CNTN1: variants seen among roughly 807,000 people sequenced by gnomAD.
CNTN1 encodes the protein contactin 1.
CNTN1 carries 38 observed loss-of-function variants against 126.4 expected under a neutral mutation model. The ratio of observed to expected loss-of-function variants is 0.30; its 90% CI spans 0.23 to 0.39. The LOEUF is 0.39. Ranked by LOEUF, CNTN1 falls within the 10% of genes least tolerant of loss-of-function variation. The pLI is 1.00. For synonymous variants in CNTN1, 413 were observed against 422.6 expected (o/e 0.98, Z 0.28); for missense variants, 1,009 against 1,248.4 (o/e 0.81, Z 2.89).
chr12:41,000,487 G>A (rs549691681), intron 17 of CNTN1, among the ~76,000 whole-genome samples: 2 of 152,150 alleles, frequency 1.3e-5, no homozygotes, highest in East Asian at 1.9e-4. Flanking sequence ...TATATCTAAA[G>A]TGCTACAAAT....
intron 1 of CNTN1, among the ~76,000 whole-genome samples, chr12:40,773,692 T>C (rs1308388943): frequency 8.6e-4 from 9 of 10,416 alleles, no homozygotes; most frequent in African/African-American, 1.8e-3. Flanking sequence ...TATATATATA[T>C]ACACATATAT....
chr12:40,973,801 G>A (rs1947592191), intron 15 of CNTN1, among the ~76,000 whole-genome samples: 2 of 152,100 alleles, frequency 1.3e-5, no homozygotes, highest in Admixed American at 6.6e-5. Context: ...CTAAGTAGTG[G>A]CACCAACTCA....
At chr12:40,939,572 A>C in intron 12 of CNTN1, 87 bp downstream of exon 12, 1 of 1,489,794 alleles carries the variant, frequency 6.7e-7, no homozygotes, top group East Asian at 2.5e-5. Flanking sequence ...TAATAATGAA[A>C]ATGTTTTTTG....
rs200389215 is a variant in CNTN1, at chr12:40,995,411, G to T, written c.2113+2142G>T. ...CTCAGAGAGGCTACATTTTTTTTTTGATATAGGGAATAATAAAAGAAGAGC... is the reference window on the plus strand; with the variant it reads ...CTCAGAGAGGCTACATTTTTTTTTTTATATAGGGAATAATAAAAGAAGAGC... On this transcript the variant is annotated intron_variant, in intron 17 of 23. Coordinates refer to ENST00000551295, the MANE Select transcript of CNTN1 (RefSeq NM_001843.4). 4.6e-5 allele frequency among the ~76,000 whole-genome samples: 7 copies of T among 151,016 alleles called. No individual in the cohort carries two copies. In the South Asian group the frequency reaches 1.0e-3, roughly 22 times the overall value.
chr12:40,997,778 TGAA>T (rs1948255937), intron 17 of CNTN1, among the ~76,000 whole-genome samples: 1 of 152,188 alleles, frequency 6.6e-6, no homozygotes, highest in Admixed American at 6.5e-5. Context: ...ATGAAGTATA[TGAA>T]AATAACTTCT....
intron 14 of CNTN1, among the ~76,000 whole-genome samples, chr12:40,945,598 G>A (rs1050094828): frequency 6.6e-6 from 1 of 151,396 alleles, no homozygotes; most frequent in African/African-American, 2.4e-5. Context: ...TTCATATTTA[G>A]AGCTTATTTA....
At chr12:40,851,756 A>G (rs1409902758) in intron 1 of CNTN1, among the ~76,000 whole-genome samples, 2 of 152,096 alleles carry the variant, frequency 1.3e-5, no homozygotes, top group African/African-American at 2.4e-5. Context: ...CTCCCCAAAG[A>G]TAAGGCTTAG....
chr12:40,961,443 A>G (rs1395086925), intron 15 of CNTN1, among the ~76,000 whole-genome samples: 2 of 152,056 alleles, frequency 1.3e-5, no homozygotes, highest in African/African-American at 4.8e-5. Context: ...TTTAATAATA[A>G]TGGTGAGCAA....
intron 1 of CNTN1, among the ~76,000 whole-genome samples, chr12:40,733,593 A>G (rs527855575): frequency 2.6e-5 from 4 of 152,080 alleles, no homozygotes; most frequent in South Asian, 4.2e-4. Flanking sequence ...GATTGTGAGG[A>G]ATTCTTTATT....
chr12:41,041,252 C>T (rs958260676), intron 23 of CNTN1, among the ~76,000 whole-genome samples: 3 of 152,032 alleles, frequency 2.0e-5, no homozygotes, highest in Admixed American at 1.3e-4. Flanking sequence ...GCCTTGCATC[C>T]CAGGGATGAA....
At chr12:40,915,734 T>G (rs1360024827) in intron 3 of CNTN1, among the ~76,000 whole-genome samples, 1 of 152,116 alleles carries the variant, frequency 6.6e-6, no homozygotes, top group Middle Eastern at 3.2e-3. Flanking sequence ...TAATCCTTTT[T>G]TTTTCTTTGA....
At chr12:41,032,238 C>G (rs1406280182) in intron 23 of CNTN1, among the ~76,000 whole-genome samples, 1 of 151,822 alleles carries the variant, frequency 6.6e-6, no homozygotes, top group Non-Finnish European at 1.5e-5. Context: ...AAACACAAAT[C>G]AAATCATATA....
intron 1 of CNTN1, among the ~76,000 whole-genome samples, chr12:40,709,937 T>C (rs1941869326): frequency 6.6e-6 from 1 of 152,210 alleles, no homozygotes; most frequent in Admixed American, 6.5e-5. Flanking sequence ...TACACTAAAG[T>C]AGTACTGTTA....
intron 1 of CNTN1, among the ~76,000 whole-genome samples, chr12:40,774,632 T>C (rs1240073032): frequency 1.3e-5 from 2 of 151,670 alleles, no homozygotes; most frequent in African/African-American, 2.4e-5. Flanking sequence ...TACTGCTTCC[T>C]CTCCAGTGTA....
At chr12:40,822,558 T>C (rs1424879976) in intron 1 of CNTN1, among the ~76,000 whole-genome samples, 1 of 152,162 alleles carries the variant, frequency 6.6e-6, no homozygotes, top group Non-Finnish European at 1.5e-5. Flanking sequence ...AGCTCTATTG[T>C]ATTATTTCTG....
intron 7 of CNTN1, among the ~76,000 whole-genome samples, chr12:40,931,955 C>A (rs1207266933): frequency 6.6e-6 from 1 of 152,054 alleles, no homozygotes; most frequent in East Asian, 1.9e-4. Context: ...TTCACTGTAA[C>A]TATGCCCTAG....
intron 1 of CNTN1, among the ~76,000 whole-genome samples, chr12:40,856,156 A>AT (rs1423354465): frequency 6.6e-6 from 1 of 152,142 alleles, no homozygotes; most frequent in Non-Finnish European, 1.5e-5. Context: ...AGATAAATGT[A>AT]TCTTAAGTTA....
At chr12:40,839,287 T>A (rs933046915) in intron 1 of CNTN1, among the ~76,000 whole-genome samples, 5 of 152,102 alleles carry the variant, frequency 3.3e-5, no homozygotes, top group African/African-American at 1.2e-4. Flanking sequence ...TGAGACAACA[T>A]AAAACCATTG....
intron 23 of CNTN1, among the ~76,000 whole-genome samples, chr12:41,044,571 C>T (rs1457731591): frequency 2.1e-5 from 3 of 145,550 alleles, no homozygotes; most frequent in Non-Finnish European, 4.4e-5. Context: ...GAGGCAAATC[C>T]TTCACCTCAA....
Sources: gnomAD v4.1 joint callset for allele counts (sites outside exome capture counted in the v4.1 genomes callset) on GRCh38, gnomAD v4.1.1 for gene constraint, MANE v1.5 for transcripts, NCBI Gene and HGNC (gene_info 2026-07-23, HGNC 2026-07-21) for gene names.